Variants in SPIRE1 observed in about 807,000 individuals in gnomAD.
SPIRE1 encodes spire type actin nucleation factor 1, also known as protein spire homolog 1.
SPIRE1 carries 40 observed loss-of-function variants against 94.1 expected under a neutral mutation model. The observed-to-expected ratio is 0.43, with a 90% CI of 0.33 to 0.55. The LOEUF is 0.55. Ranked by LOEUF, SPIRE1 falls within the 20% of genes least tolerant of loss-of-function variation. The probability of loss-of-function intolerance (pLI) is 0.06; values close to 1 mark genes in which losing one functional copy is unlikely to be tolerated. For missense variants in SPIRE1, 838 were observed against 975.2 expected (o/e 0.86, Z 1.87); for synonymous variants, 376 against 371.7 (o/e 1.01, Z -0.13).
intron 1 of SPIRE1, chr18:12,652,964 AAC>A (rs1187558649): frequency 6.6e-6 from 1 of 152,192 alleles, no homozygotes; most frequent in Non-Finnish European, 1.5e-5. Flanking sequence ...TCAGCTCAAC[AAC>A]AGAGTGACAA....
chr18:12,657,330 G>A (rs1030791269), intron 1 of SPIRE1, among the ~76,000 whole-genome samples, 200 bp downstream of exon 1: 19 of 149,754 alleles, frequency 1.3e-4, no homozygotes, highest in Non-Finnish European at 2.4e-4. Context: ...CCGCCACGAG[G>A]CTCTGACCTC....
At chr18:12,646,245 G>A (rs2038222199) in intron 1 of SPIRE1, among the ~76,000 whole-genome samples, 1 of 152,082 alleles carries the variant, frequency 6.6e-6, no homozygotes, top group Admixed American at 6.6e-5. Flanking sequence ...GAGACCTCCA[G>A]AAACCAGATC....
chr18:12,492,174 G>T (rs28411962), intron 8 of SPIRE1, among the ~76,000 whole-genome samples: 1 of 152,172 alleles, frequency 6.6e-6, no homozygotes, highest in Non-Finnish European at 1.5e-5. Context: ...TGCTTAGGGA[G>T]AACAGAAGCC....
At chr18:12,615,135 G>C (rs2037249509) in intron 2 of SPIRE1, among the ~76,000 whole-genome samples, 1 of 150,860 alleles carries the variant, frequency 6.6e-6, no homozygotes, top group African/African-American at 2.4e-5. Flanking sequence ...GACTAGCCTG[G>C]CTAACATGGT....
chr18:12,579,364 C>T (rs1183808591), intron 2 of SPIRE1, among the ~76,000 whole-genome samples: 1 of 152,066 alleles, frequency 6.6e-6, no homozygotes, highest in African/African-American at 2.4e-5. Flanking sequence ...AAACATTATG[C>T]TAAGTGTAAG....
At chr18:12,458,194 A>G (rs901445286) in intron 12 of SPIRE1, among the ~76,000 whole-genome samples, 1 of 152,028 alleles carries the variant, frequency 6.6e-6, no homozygotes, top group African/African-American at 2.4e-5. Flanking sequence ...AACTTCATAA[A>G]TTAACCAGTA....
chr18:12,471,103 TAAAAA>T (rs138606031), intron 10 of SPIRE1, among the ~76,000 whole-genome samples: 1 of 96,954 alleles, frequency 1.0e-5, no homozygotes, highest in Admixed American at 1.2e-4. Context: ...CATCTTTCAG[TAAAAA>T]AAAAAAAAAA....
intron 10 of SPIRE1, among the ~76,000 whole-genome samples, chr18:12,478,426 G>A (rs995127771): frequency 2.1e-5 from 3 of 145,504 alleles, no homozygotes; most frequent in Non-Finnish European, 4.5e-5. Context: ...TGTGTGAAGC[G>A]AGGGTGTGTA....
rs8085423 is a variant in SPIRE1, at chr18:12,487,538, G to A, written c.1190-1538C>T. Among the ~76,000 whole-genome samples the A allele has an allele frequency of 5.2e-3, 788 of 151,780 alleles. 5 individuals carry two copies. The highest frequency in any genetic ancestry group is 0.018 in the African/African-American group (749 of 41,394). On this transcript the variant is annotated intron_variant, in intron 8 of 16. Transcript: ENST00000409402. Reference sequence around the variant, plus strand: ...ATCTCCCGAGTAGCTGGGATTACAGGTGCCTGCCACCAGGCCCAGCTAATT... The same window carrying A: ...ATCTCCCGAGTAGCTGGGATTACAGATGCCTGCCACCAGGCCCAGCTAATT...
intron 6 of SPIRE1, among the ~76,000 whole-genome samples, chr18:12,500,576 A>C (rs556918740): frequency 1.2e-4 from 18 of 152,314 alleles, no homozygotes; most frequent in African/African-American, 3.6e-4. Context: ...AGCCAAACAT[A>C]GAATTACTAT....
At chr18:12,535,892 T>C (rs1273687927) in intron 3 of SPIRE1, among the ~76,000 whole-genome samples, 2 of 151,972 alleles carry the variant, frequency 1.3e-5, no homozygotes, top group Non-Finnish European at 2.9e-5. Context: ...GAGGCGGAGG[T>C]TGCAGTGAGT....
intron 2 of SPIRE1, among the ~76,000 whole-genome samples, chr18:12,584,791 A>T (rs780963176): frequency 3.3e-5 from 5 of 151,668 alleles, no homozygotes; most frequent in African/African-American, 4.8e-5. Flanking sequence ...ATATATATAT[A>T]TTTTTTGAGA....
At chr18:12,620,128 C>T (rs2037425629) in intron 2 of SPIRE1, among the ~76,000 whole-genome samples, 1 of 152,012 alleles carries the variant, frequency 6.6e-6, no homozygotes, top group Non-Finnish European at 1.5e-5. Flanking sequence ...GCCTAGGCAA[C>T]ATAACAAACC....
chr18:12,648,173 G>A (rs996992316), intron 1 of SPIRE1, among the ~76,000 whole-genome samples: 12 of 152,218 alleles, frequency 7.9e-5, no homozygotes, highest in Non-Finnish European at 1.2e-4. Context: ...ACGTCTCCAG[G>A]AGGTGGTTTA....
At chr18:12,647,519 G>A (rs1197139383) in intron 1 of SPIRE1, among the ~76,000 whole-genome samples, 1 of 152,094 alleles carries the variant, frequency 6.6e-6, no homozygotes, top group Non-Finnish European at 1.5e-5. Context: ...GGGAAGCTGA[G>A]GCAGGAAGAT....
intron 9 of SPIRE1, among the ~76,000 whole-genome samples, chr18:12,481,877 A>C (rs1198625342): frequency 6.6e-6 from 1 of 152,200 alleles, no homozygotes; most frequent in Non-Finnish European, 1.5e-5. Context: ...AGAATTGTTG[A>C]CATTTTGTGG....
chr18:12,507,872 C>T lies in SPIRE1; in HGVS notation c.808-1231G>A, dbSNP rs142834350. On this transcript the variant is annotated intron_variant, in intron 5 of 16. Transcript: ENST00000409402. Reference sequence around the variant, plus strand: ...AAAATTAACAAGTGACATGGCTGAGCGCAGTGGCTCATGCCTGTAATCCCA... The same window carrying T: ...AAAATTAACAAGTGACATGGCTGAGTGCAGTGGCTCATGCCTGTAATCCCA... Among the ~76,000 whole-genome samples the T allele has an allele frequency of 2.2e-4, 34 of 151,886 alleles. No homozygotes were observed. In the East Asian group the frequency reaches 4.3e-3, roughly 19 times the overall value.
At chr18:12,454,528 T>A in intron 12 of SPIRE1, 45 bp from the exon 13 acceptor site, 1 of 1,602,372 alleles carries the variant, frequency 6.2e-7, no homozygotes, top group East Asian at 2.2e-5. Context: ...CTACCCCCTG[T>A]TCTGGAAGTG....
chr18:12,449,595 G>T lies in SPIRE1; in HGVS notation c.*43C>A, dbSNP rs189636419. The T allele has an allele frequency of 6.3e-7, 1 of 1,592,436 alleles. No homozygotes were observed. The highest frequency in any genetic ancestry group is 2.3e-5 in the East Asian group (1 of 44,134). ...AGCCCGGCTCAGTGTCCTCGCGCAC[G>T]GACGCTGACTCGTAGCACAAAAGCA... is the stretch of plus-strand genomic sequence containing the variant. On this transcript the variant is annotated 3_prime_UTR_variant, in exon 17 of 17. Coordinates refer to ENST00000409402, the MANE Select transcript of SPIRE1 (RefSeq NM_001128626.2).
Sources: gnomAD v4.1 joint callset for allele counts (sites outside exome capture counted in the v4.1 genomes callset) on GRCh38, gnomAD v4.1.1 for gene constraint, MANE v1.5 for transcripts, NCBI Gene and HGNC (gene_info 2026-07-23, HGNC 2026-07-21) for gene names.